Variants in SGMS1 observed in about 807,000 individuals in gnomAD.
SGMS1 encodes phosphatidylcholine:ceramide cholinephosphotransferase 1.
A neutral mutation model predicts 46.2 loss-of-function variants in SGMS1; 13 were observed. That is an observed-to-expected ratio of 0.28 (90% confidence interval 0.18 to 0.45). SGMS1 has a LOEUF of 0.45. SGMS1 is among the 20% of genes least tolerant of loss of function. SGMS1 has a pLI of 1.00. For missense variants in SGMS1, 324 were observed against 519.9 expected (o/e 0.62, Z 3.66); for synonymous variants, 203 against 187.8 (o/e 1.08, Z -0.66).
rs551164781 is a variant in SGMS1, at chr10:50,583,925, G to A, written c.-589+6228C>T. On this transcript the variant is annotated intron_variant, in intron 2 of 10. Coordinates refer to ENST00000361781, the MANE Select transcript of SGMS1 (RefSeq NM_147156.4). ...TCCTGACAAGATAACTCCACATTAT[G>A]TAGAACAGACTTCATTTTTCCAATG... Among the ~76,000 whole-genome samples the A allele has an allele frequency of 2.0e-5, 3 of 152,310 alleles. No individual in the cohort carries two copies. The South Asian group carries it at 6.2e-4, about 32-fold the overall frequency.
At chr10:50,414,616 G>C (rs975952791) in intron 6 of SGMS1, among the ~76,000 whole-genome samples, 1 of 152,146 alleles carries the variant, frequency 6.6e-6, no homozygotes, top group African/African-American at 2.4e-5. Flanking sequence ...CTCTAAGGTA[G>C]GTATTATTAC....
intron 5 of SGMS1, among the ~76,000 whole-genome samples, chr10:50,456,757 G>C (rs1588837128): frequency 1.3e-5 from 2 of 152,266 alleles, no homozygotes; most frequent in East Asian, 3.9e-4. Context: ...AACTAGGAGA[G>C]CCAAATCACC....
chr10:50,441,407 C>T (rs10082515), intron 5 of SGMS1, among the ~76,000 whole-genome samples: 18,758 of 151,600 alleles, frequency 0.12, 2,475 homozygotes, highest in East Asian at 0.44. Context: ...CAAAATTGGA[C>T]GAGAAAAAAA....
rs528106818 is a variant in SGMS1, at chr10:50,396,588, A to G, written c.-232+36888T>C. 6.6e-5 allele frequency among the ~76,000 whole-genome samples: 10 copies of G among 152,284 alleles called. No individual in the cohort carries two copies. In the South Asian group the frequency reaches 1.5e-3, roughly 22 times the overall value. On this transcript the variant is annotated intron_variant, in intron 6 of 10. Transcript: ENST00000361781. The stretch of plus-strand genomic sequence containing the variant: ...TCTGTTTTTGTTTGTTTGTTTGAGG[A>G]AGTGTTGACCTTTCCAAGCCAGTTT...
chr10:50,310,597 GA>G (rs1266532527), intron 9 of SGMS1, among the ~76,000 whole-genome samples: 1 of 151,520 alleles, frequency 6.6e-6, no homozygotes, highest in African/African-American at 2.4e-5. Context: ...GGAAAGGAAT[GA>G]AAAGGTTTTA....
intron 2 of SGMS1, among the ~76,000 whole-genome samples, chr10:50,571,891 C>T (rs892110473): frequency 3.6e-4 from 55 of 152,196 alleles, no homozygotes; most frequent in Non-Finnish European, 4.7e-4. Flanking sequence ...AACTTTGATA[C>T]GGTCACAGTC....
At chr10:50,382,400 A>G (rs546615433) in intron 6 of SGMS1, among the ~76,000 whole-genome samples, 1 of 152,316 alleles carries the variant, frequency 6.6e-6, no homozygotes, top group Admixed American at 6.5e-5. Flanking sequence ...TTAGGTCTAC[A>G]TACAAAACTG....
At chr10:50,422,463 C>A (rs1385582937) in intron 6 of SGMS1, among the ~76,000 whole-genome samples, 1 of 152,136 alleles carries the variant, frequency 6.6e-6, no homozygotes, top group Admixed American at 6.5e-5. Flanking sequence ...GCTACTGAGA[C>A]AGCAAATCTG....
intron 6 of SGMS1, among the ~76,000 whole-genome samples, chr10:50,376,366 G>C (rs1042684014): frequency 1.3e-5 from 2 of 152,160 alleles, no homozygotes; most frequent in Non-Finnish European, 2.9e-5. Flanking sequence ...AGAGTCCCTC[G>C]ACCTCCCGGC....
chr10:50,619,382 C>G (rs1412320070), intron 1 of SGMS1, among the ~76,000 whole-genome samples: 3 of 152,100 alleles, frequency 2.0e-5, no homozygotes, highest in African/African-American at 4.8e-5. Context: ...TAATAAAAAG[C>G]TCTAATGTTG....
intron 2 of SGMS1, among the ~76,000 whole-genome samples, chr10:50,546,006 G>C (rs541329676): frequency 6.6e-6 from 1 of 152,318 alleles, no homozygotes; most frequent in South Asian, 2.1e-4. Context: ...TTTGGGGAAA[G>C]AAGCCTGGAA....
intron 1 of SGMS1, among the ~76,000 whole-genome samples, chr10:50,616,388 G>A (rs60757498): frequency 1.2e-4 from 18 of 152,140 alleles, no homozygotes; most frequent in South Asian, 6.2e-4. Context: ...CTCCCACCTC[G>A]GCCTCCCAAA....
At chr10:50,500,711 T>A (rs892112411) in intron 3 of SGMS1, among the ~76,000 whole-genome samples, 1 of 152,220 alleles carries the variant, frequency 6.6e-6, no homozygotes, top group African/African-American at 2.4e-5. Context: ...AAAACCTTAA[T>A]TATGTTACTG....
chr10:50,423,190 G>A (rs1313794026), intron 6 of SGMS1, among the ~76,000 whole-genome samples: 1 of 152,214 alleles, frequency 6.6e-6, no homozygotes, highest in African/African-American at 2.4e-5. Context: ...GGGCAGCTGG[G>A]CACTAGGATC....
intron 6 of SGMS1, among the ~76,000 whole-genome samples, chr10:50,365,183 G>A (rs1226431899): frequency 4.7e-5 from 7 of 148,990 alleles, no homozygotes; most frequent in African/African-American, 1.5e-4. Context: ...AACCCGGGAG[G>A]TGGAGATTGC....
At chr10:50,399,810 C>A (rs565573956) in intron 6 of SGMS1, among the ~76,000 whole-genome samples, 1 of 152,108 alleles carries the variant, frequency 6.6e-6, no homozygotes, top group Admixed American at 6.5e-5. Context: ...AGGCGGATCA[C>A]GAGGTCAGGA....
chr10:50,624,961 C>T (rs1015678461), upstream of SGMS1: 1 of 1,034,634 alleles, frequency 9.7e-7, no homozygotes. Flanking sequence ...ATCTTCCGCC[C>T]GGCCATCGGG....
chr10:50,587,884 T>G (rs1838502573), intron 2 of SGMS1, among the ~76,000 whole-genome samples: 1 of 152,172 alleles, frequency 6.6e-6, no homozygotes, highest in South Asian at 2.1e-4. Flanking sequence ...TACATGGATG[T>G]GTTCAATCTG....
At chr10:50,582,432 C>T (rs10218880) in intron 2 of SGMS1, among the ~76,000 whole-genome samples, 3 of 152,094 alleles carry the variant, frequency 2.0e-5, no homozygotes, top group Non-Finnish European at 2.9e-5. Context: ...GGCTGGCGGT[C>T]GTGAGAGCAG....
Sources: gnomAD v4.1 joint callset for allele counts (sites outside exome capture counted in the v4.1 genomes callset) on GRCh38, gnomAD v4.1.1 for gene constraint, MANE v1.5 for transcripts, NCBI Gene and HGNC (gene_info 2026-07-23, HGNC 2026-07-21) for gene names.